Variants in CDC42BPB observed in about 807,000 individuals in gnomAD.
CDC42BPB encodes serine/threonine-protein kinase MRCK beta.
CDC42BPB carries 37 observed loss-of-function variants against 214.9 expected under a neutral mutation model. That is an observed-to-expected ratio of 0.17 (90% CI 0.13 to 0.23). The LOEUF (loss-of-function observed/expected upper bound fraction) is 0.23, where lower values mean the gene tolerates loss of function less well. CDC42BPB is among the 10% of genes least tolerant of loss of function. The pLI is 1.00. For missense variants in CDC42BPB, 1,694 were observed against 2,227.0 expected (o/e 0.76, Z 4.82); for synonymous variants, 931 against 884.0 (o/e 1.05, Z -0.94).
Position 102,977,248 on chromosome 14 carries a change from G to A in CDC42BPB, c.1220+878C>T, listed in dbSNP as rs35576761. Among the ~76,000 whole-genome samples, 349 of 151,140 alleles carry A rather than the reference G, an allele frequency of 2.3e-3. 11 individuals are homozygous for A. The East Asian group carries it at 0.064, about 28-fold the overall frequency. ...CAGCTACTCAGGAGGCTGCGGCAGG[G>A]GAATCGCTTGAACCCGGGAGGCAGA... On this transcript the variant is annotated intron_variant, in intron 9 of 36. Transcript: ENST00000361246.
intron 9 of CDC42BPB, among the ~76,000 whole-genome samples, chr14:102,977,081 C>T (rs947003784): frequency 4.3e-4 from 65 of 152,116 alleles, no homozygotes; most frequent in African/African-American, 1.6e-3. Flanking sequence ...GTGGCTCACG[C>T]CTGTAATCCT....
chr14:102,974,733 G>C lies in CDC42BPB; in HGVS notation c.1508-584C>G, dbSNP rs34475066. ...AGCACTTCGGGAGGCCAAGGCAGGC[G>C]GATCACGAGGTCAGGAGATCGAGAC... is the stretch of plus-strand genomic sequence containing the variant. On this transcript the variant is annotated intron_variant, in intron 11 of 36. Transcript: ENST00000361246. Among the ~76,000 whole-genome samples the C allele has an allele frequency of 1.3e-5, 2 of 152,042 alleles. 1 individual carries two copies. The highest frequency in any genetic ancestry group is 2.9e-5 in the Non-Finnish European group (2 of 67,968).
At position 102,951,481 on chromosome 14, in the gene CDC42BPB, C is replaced by T. The variant is rs1454289786; in HGVS notation, c.3173-879G>A. On this transcript the variant is annotated intron_variant, in intron 24 of 36. Transcript: ENST00000361246. ...CGAATCCCAGCACAGGGCAAGAGCA[C>T]AAGATATAGCCTTAAAAATATGATG... Among the ~76,000 whole-genome samples the T allele has an allele frequency of 4.0e-5, 6 of 151,730 alleles. No individual in the cohort carries two copies. The East Asian group carries it at 1.2e-3, about 29-fold the overall frequency.
chr14:102,964,589 T>C lies in CDC42BPB; in HGVS notation c.2639A>G (p.Gln880Arg). The part of the protein sequence containing the change: ...KLDMSARLEL[Q>R]SALEAEIRAK... ...CCGGATCTCCGCCTCCAGGGCCGAC[T>C]GCAGCTCCAGCCGCGCGGACATGTC... Residue 880 changes from glutamine (Q) to arginine (R), a missense_variant, in exon 19 of 37, where the codon CAG becomes CGG. Coordinates refer to ENST00000361246, the MANE Select transcript of CDC42BPB (RefSeq NM_006035.4). The C allele has an allele frequency of 6.2e-7, 1 of 1,613,974 alleles. No individual in the cohort carries two copies. Among genetic ancestry groups the C allele is most frequent in the South Asian group, 1.1e-5 (1 of 91,070 alleles).
Position 102,944,055 on chromosome 14 carries a change from G to A in CDC42BPB, c.4244C>T (p.Ser1415Leu). 2 of 1,613,618 alleles carry A rather than the reference G, an allele frequency of 1.2e-6. No individual in the cohort carries two copies. The highest frequency in any genetic ancestry group is 1.7e-6 in the Non-Finnish European group (2 of 1,180,026). Residue 1415 changes from serine to leucine, a missense_variant, in exon 30 of 37, where the codon TCG becomes TTG. Coordinates refer to ENST00000361246, the MANE Select transcript of CDC42BPB (RefSeq NM_006035.4). The surrounding 1 kb of genome is among the most constrained non-coding windows in gnomAD (Gnocchi z 6.6). Reference protein sequence around the residue: ...PLNLVNPNDPSLAFLSQQSFD... With the variant: ...PLNLVNPNDPLLAFLSQQSFD... Reference sequence around the variant, plus strand: ...AGACTGTTGTGAGAGGAACGCAAGCGAGGGGTCATTGGGATTTACCAGGTT... The same window carrying A: ...AGACTGTTGTGAGAGGAACGCAAGCAAGGGGTCATTGGGATTTACCAGGTT...
At chr14:102,996,852 A>G (rs1290470599) in intron 5 of CDC42BPB, among the ~76,000 whole-genome samples, 1 of 151,838 alleles carries the variant, frequency 6.6e-6, no homozygotes, top group Non-Finnish European at 1.5e-5. Context: ...TTATAAAAGC[A>G]AGCATAACTA....
chr14:102,951,109 C>A (rs568357604), intron 24 of CDC42BPB, among the ~76,000 whole-genome samples: 3 of 152,334 alleles, frequency 2.0e-5, no homozygotes, highest in South Asian at 4.1e-4. Flanking sequence ...CTTCAGCATG[C>A]GCACAGGGAA....
chr14:103,000,175 A>T (rs1389481403), intron 4 of CDC42BPB, among the ~76,000 whole-genome samples: 2 of 152,274 alleles, frequency 1.3e-5, no homozygotes, highest in Non-Finnish European at 2.9e-5. Context: ...TTATATCATA[A>T]AAGAGCCGAA....
chr14:103,044,624 C>A (rs1415420099), intron 1 of CDC42BPB, among the ~76,000 whole-genome samples: 1 of 152,030 alleles, frequency 6.6e-6, no homozygotes, highest in Non-Finnish European at 1.5e-5. Flanking sequence ...CAGCCTCAGT[C>A]TCCCAAAGTG....
At chr14:103,014,009 C>CA (rs1265335654) in intron 1 of CDC42BPB, among the ~76,000 whole-genome samples, 1 of 152,040 alleles carries the variant, frequency 6.6e-6, no homozygotes, top group African/African-American at 2.4e-5. Context: ...ACTAAAAATA[C>CA]AAAAAATTTA....
At chr14:102,945,881 CTT>C (rs1276017276) in intron 28 of CDC42BPB, among the ~76,000 whole-genome samples, 157 bp from the exon 29 acceptor site, 2 of 152,218 alleles carry the variant, frequency 1.3e-5, no homozygotes, top group Non-Finnish European at 2.9e-5. Context: ...TCGGGGGTGA[CTT>C]TCTCTCTACA....
At chr14:102,989,075 TG>T (rs752192986) in intron 5 of CDC42BPB, among the ~76,000 whole-genome samples, 1 of 151,998 alleles carries the variant, frequency 6.6e-6, no homozygotes, top group Non-Finnish European at 1.5e-5. Context: ...CTTTAAGAAT[TG>T]GGGGAAAAAA....
chr14:102,968,915 G>A (rs979873510), intron 14 of CDC42BPB, 199 bp from the exon 15 acceptor site: 26 of 985,104 alleles, frequency 2.6e-5, no homozygotes, highest in South Asian at 4.7e-5. Flanking sequence ...GCCTTGCAGG[G>A]GGATGTGCCC....
chr14:102,933,773 T>C lies in CDC42BPB; in HGVS notation c.5075A>G (p.Asn1692Ser). The C allele has an allele frequency of 1.3e-6, 2 of 1,500,088 alleles. No homozygotes were observed. The highest frequency in any genetic ancestry group is 1.8e-6 in the Non-Finnish European group (2 of 1,138,678). 92.9% of individuals were successfully genotyped at this position (1,500,088 alleles called of 1,614,324 possible). A position where few individuals can be genotyped will look rare whatever the true frequency, so the allele number is the denominator to read the frequency against. ...SSNPSGPPSP[N>S]SPHRSQLPLE... ...GGGGAGCTGGCTCCTGTGGGGGGAG[T>C]TGGGGCTCGGTGGGCCGCTGGGGTT... Residue 1692 changes from asparagine (N) to serine (S), a missense_variant, in exon 37 of 37, where the codon AAC (asparagine) becomes AGC (serine). By Grantham distance (46) the Asn-to-Ser change is conservative. Transcript: ENST00000361246.
intron 34 of CDC42BPB, among the ~76,000 whole-genome samples, chr14:102,938,922 C>T (rs1251907041): frequency 6.7e-6 from 1 of 149,588 alleles, no homozygotes; most frequent in Admixed American, 6.7e-5. Flanking sequence ...AGCCACCACA[C>T]CCAGCCTAAA....
Position 102,944,653 on chromosome 14 carries a change from A to G in CDC42BPB, c.3812-166T>C. On this transcript the variant is annotated intron_variant, in intron 29 of 36. Transcript: ENST00000361246. This position sits in a 1 kb window ranked among gnomAD's most constrained non-coding sequence, Gnocchi z 6.6. ...GCCCTGAGCCCGTCTCTGCCCACAG[A>G]GCCAGTGGCTTGAACGCCCCCCGGA... The G allele has an allele frequency of 1.0e-6, 1 of 985,196 alleles. No individual in the cohort carries two copies. Among genetic ancestry groups the G allele is most frequent in the Non-Finnish European group, 1.2e-6 (1 of 829,872 alleles). 61.0% of individuals were successfully genotyped at this position (985,196 alleles called of 1,614,324 possible). A position where few individuals can be genotyped will look rare whatever the true frequency, so the allele number is the denominator to read the frequency against.
intron 9 of CDC42BPB, 105 bp downstream of exon 9, chr14:102,978,021 G>T: frequency 2.4e-6 from 2 of 817,350 alleles, no homozygotes; most frequent in Non-Finnish European, 4.2e-6. Context: ...GCCTCCCAGC[G>T]CACACACCAC....
At chr14:102,934,998 A>G (rs1254339830) in intron 36 of CDC42BPB, among the ~76,000 whole-genome samples, 5 of 149,158 alleles carry the variant, frequency 3.4e-5, no homozygotes, top group African/African-American at 9.9e-5. Flanking sequence ...CTACATGTAG[A>G]GTGAGACTCT....
intron 7 of CDC42BPB, among the ~76,000 whole-genome samples, chr14:102,981,691 C>T (rs181830879): frequency 3.2e-4 from 48 of 152,218 alleles, no homozygotes; most frequent in Middle Eastern, 6.8e-3. Context: ...GCACGAGAAT[C>T]GCTTAAACTC....
Sources: allele counts gnomAD v4.1 joint callset (sites outside exome capture counted in the v4.1 genomes callset), GRCh38; gene constraint gnomAD v4.1.1; non-coding constraint Gnocchi (gnomAD v3.1); transcripts MANE v1.5; gene names NCBI Gene and HGNC (gene_info 2026-07-23, HGNC 2026-07-21).